DNAJC3: variants seen among roughly 807,000 people sequenced by gnomAD.
DNAJC3 encodes the protein dnaJ homolog subfamily C member 3.
A neutral mutation model predicts 68.6 loss-of-function variants in DNAJC3; 38 were observed. That is an observed-to-expected ratio of 0.55 (90% confidence interval 0.43 to 0.73). The LOEUF is 0.73. DNAJC3 is among the 30% of genes least tolerant of loss of function. The pLI, the probability that DNAJC3 is intolerant of heterozygous loss-of-function variation, is 0.00. For synonymous variants in DNAJC3, 203 were observed against 204.0 expected (o/e 1.00, Z 0.04); for missense variants, 526 against 591.9 (o/e 0.89, Z 1.16).
At chr13:95,775,775 A>C (rs1883274960) in intron 9 of DNAJC3, among the ~76,000 whole-genome samples, 1 of 152,136 alleles carries the variant, frequency 6.6e-6, no homozygotes, top group Non-Finnish European at 1.5e-5. Context: ...TTCACCAACC[A>C]GGGTCAGATA....
At chr13:95,759,069 C>T (rs1459435040) in intron 5 of DNAJC3, among the ~76,000 whole-genome samples, 4 of 152,082 alleles carry the variant, frequency 2.6e-5, no homozygotes, top group East Asian at 1.9e-4. Flanking sequence ...AAAGTCGATA[C>T]GACTTTAGAG....
chr13:95,768,948 C>T (rs1273629021), intron 9 of DNAJC3, among the ~76,000 whole-genome samples: 2 of 152,038 alleles, frequency 1.3e-5, no homozygotes, highest in Non-Finnish European at 2.9e-5. Context: ...GCATTCCAGC[C>T]TGGGCAACAT....
chr13:95,700,643 A>T (rs1267932755), intron 1 of DNAJC3, among the ~76,000 whole-genome samples: 1 of 152,224 alleles, frequency 6.6e-6, no homozygotes, highest in Non-Finnish European at 1.5e-5. Flanking sequence ...TGAAATAAGG[A>T]GTTCAGTGCT....
intron 4 of DNAJC3, among the ~76,000 whole-genome samples, chr13:95,737,231 T>G (rs1183989655): frequency 6.6e-6 from 1 of 152,100 alleles, no homozygotes; most frequent in African/African-American, 2.4e-5. Flanking sequence ...GCCAGTATTT[T>G]ATTGAGGATT....
chr13:95,700,593 A>G (rs753266198), intron 1 of DNAJC3, among the ~76,000 whole-genome samples: 1 of 152,220 alleles, frequency 6.6e-6, no homozygotes, highest in African/African-American at 2.4e-5. Flanking sequence ...GAGAAAGAGC[A>G]AGGTAAAGTG....
intron 4 of DNAJC3, among the ~76,000 whole-genome samples, chr13:95,738,407 A>G (rs886739137): frequency 6.7e-6 from 1 of 148,544 alleles, no homozygotes; most frequent in Non-Finnish European, 1.5e-5. Context: ...TGATCTGTCT[A>G]ATGTTGACAG....
chr13:95,723,155 G>C, intron 2 of DNAJC3, 87 bp from the exon 3 acceptor site: 1 of 1,229,762 alleles, frequency 8.1e-7, no homozygotes, highest in Non-Finnish European at 1.1e-6. Flanking sequence ...AGAGTTGCAA[G>C]TGCTGATACT....
At chr13:95,768,915 C>T (rs1284435651) in intron 9 of DNAJC3, among the ~76,000 whole-genome samples, 1 of 152,088 alleles carries the variant, frequency 6.6e-6, no homozygotes, top group African/African-American at 2.4e-5. Context: ...GCAGAACTTG[C>T]AGTGAGCCGA....
chr13:95,784,957 A>T (rs17879751), intron 9 of DNAJC3, among the ~76,000 whole-genome samples: 8,554 of 150,508 alleles, frequency 0.057, 458 homozygotes, highest in African/African-American at 0.14. Context: ...TAAAATTTTT[A>T]AAAAAAAATA....
chr13:95,718,365 C>A (rs1191665952), intron 2 of DNAJC3, among the ~76,000 whole-genome samples: 1 of 152,128 alleles, frequency 6.6e-6, no homozygotes, highest in African/African-American at 2.4e-5. Context: ...GATGAAGAAC[C>A]AGGGAAGGCT....
intron 9 of DNAJC3, among the ~76,000 whole-genome samples, chr13:95,779,024 A>G (rs1196877464): frequency 6.8e-6 from 1 of 146,562 alleles, no homozygotes; most frequent in Non-Finnish European, 1.5e-5. Context: ...TATTACCCCT[A>G]TTTTATGATT....
intron 4 of DNAJC3, among the ~76,000 whole-genome samples, chr13:95,736,766 A>G (rs1023310159): frequency 2.1e-5 from 3 of 145,934 alleles, no homozygotes; most frequent in Non-Finnish European, 3.0e-5. Flanking sequence ...TCATCTGCAA[A>G]CAGGGACAAT....
chr13:95,773,946 A>G (rs9525060), intron 9 of DNAJC3, among the ~76,000 whole-genome samples: 2,480 of 152,000 alleles, frequency 0.016, 43 homozygotes, highest in Non-Finnish European at 0.025. Context: ...CATGTTGGCC[A>G]GGATGGTCTC....
At chr13:95,681,121 C>T (rs1376328697) in intron 1 of DNAJC3, among the ~76,000 whole-genome samples, 2 of 152,158 alleles carry the variant, frequency 1.3e-5, no homozygotes, top group East Asian at 1.9e-4. Context: ...GAAGCATTCA[C>T]GTCCTCTTTT....
At chr13:95,698,356 T>G (rs1369957422) in intron 1 of DNAJC3, among the ~76,000 whole-genome samples, 1 of 152,158 alleles carries the variant, frequency 6.6e-6, no homozygotes, top group Non-Finnish European at 1.5e-5. Context: ...ACAGTGGAAA[T>G]TCCCCCATCC....
chr13:95,720,485 G>A (rs1021637655), intron 2 of DNAJC3, among the ~76,000 whole-genome samples: 8 of 152,078 alleles, frequency 5.3e-5, no homozygotes, highest in East Asian at 1.9e-4. Context: ...TGTCTGGTGC[G>A]TCACTTAAAT....
At chr13:95,686,025 G>A (rs989352560) in intron 1 of DNAJC3, among the ~76,000 whole-genome samples, 18 of 150,232 alleles carry the variant, frequency 1.2e-4, no homozygotes, top group African/African-American at 4.4e-4. Flanking sequence ...GCAGTGGCAC[G>A]ATCTTGGCTC....
rs1429176919 is a variant in DNAJC3 at position 95,723,360 on chromosome 13, C to G, written c.312C>G (p.Phe104Leu). ...AAGTGATTCAATTGAAGATGGACTTCACTGCAGTAAGTATATCTCAACTTT... is the reference window on the plus strand; with the variant it reads ...AAGTGATTCAATTGAAGATGGACTTGACTGCAGTAAGTATATCTCAACTTT... ...LTKVIQLKMDFTAARLQRGHL... is the reference protein window; with the variant it reads ...LTKVIQLKMDLTAARLQRGHL... Residue 104 changes from phenylalanine to leucine, a missense_variant, in exon 3 of 12, where the codon TTC becomes TTG. By Grantham distance (22) the Phe-to-Leu change is conservative. Transcript: ENST00000602402. The G allele has an allele frequency of 6.2e-7, 1 of 1,610,428 alleles. No homozygotes were observed. Among genetic ancestry groups the G allele is most frequent in the Non-Finnish European group, 8.5e-7 (1 of 1,178,148 alleles).
intron 4 of DNAJC3, among the ~76,000 whole-genome samples, chr13:95,752,442 G>A (rs2139667961): frequency 6.6e-6 from 1 of 152,170 alleles, no homozygotes; most frequent in Admixed American, 6.5e-5. Context: ...TCTCATATCT[G>A]CTTCTATATT....
Sources: allele counts gnomAD v4.1 joint callset (sites outside exome capture counted in the v4.1 genomes callset), GRCh38; gene constraint gnomAD v4.1.1; transcripts MANE v1.5; gene names NCBI Gene and HGNC (gene_info 2026-07-23, HGNC 2026-07-21).